The following TM6SF1 variants were observed in gnomAD, a reference collection of about 807,000 sequenced individuals.
TM6SF1 encodes the protein transmembrane 6 superfamily member 1.
Under a neutral mutation model 47.1 loss-of-function variants are expected in TM6SF1, and 43 were observed. That is an observed-to-expected ratio of 0.91 (90% CI 0.72 to 1.18). TM6SF1 has a LOEUF of 1.18. Ranked by LOEUF, TM6SF1 falls within the 50% of genes most tolerant of loss-of-function variation. The pLI is 0.00. For missense variants in TM6SF1, 390 were observed against 449.0 expected (o/e 0.87, Z 1.19); for synonymous variants, 177 against 166.3 (o/e 1.06, Z -0.49).
At chr15:83,129,164 C>T (rs534136195) in intron 9 of TM6SF1, 2 of 152,082 alleles carry the variant, frequency 1.3e-5, no homozygotes, top group African/African-American at 4.8e-5. Context: ...GATTCTCCAA[C>T]CCATTTTTTT....
chr15:83,107,696 G>A lies in TM6SF1; in HGVS notation c.16G>A (p.Ala6Thr), dbSNP rs377032732. 115 of 1,563,164 alleles carry A rather than the reference G, an allele frequency of 7.4e-5. No homozygotes were observed. Among genetic ancestry groups the A allele is most frequent in the Admixed American group, 2.4e-4 (13 of 53,540 alleles). MSASA[A>T]TGVFVLSLSA... ...GGCGGCTGCGATGAGTGCCTCTGCG[G>A]CCACCGGGGTCTTCGTGCTGTCCCT... is the stretch of plus-strand genomic sequence containing the variant. The change falls in exon 1 of 10, where the codon GCC becomes ACC. Residue 6 changes from alanine to threonine, a missense_variant. By Grantham distance (58) the Ala-to-Thr change is moderately conservative. Transcript: ENST00000322019. This position sits in a 1 kb window ranked among gnomAD's most constrained non-coding sequence, Gnocchi z 5.6.
chr15:83,135,787 A>G (rs1363476003), intron 9 of TM6SF1: 2 of 152,232 alleles, frequency 1.3e-5, no homozygotes, highest in African/African-American at 2.4e-5. Context: ...GGTTGCCTGC[A>G]TGTACATTTG....
chr15:83,109,191 G>A (rs2033927045), intron 1 of TM6SF1, among the ~76,000 whole-genome samples: 1 of 152,208 alleles, frequency 6.6e-6, no homozygotes, highest in African/African-American at 2.4e-5. Context: ...CTGGTGGCCA[G>A]GGAAGGCTTC....
At position 83,126,859 on chromosome 15, in the gene TM6SF1, A is replaced by T; in HGVS notation, c.801+12A>T. The T allele has an allele frequency of 6.3e-7, 1 of 1,591,070 alleles. No individual in the cohort carries two copies. The highest frequency in any genetic ancestry group is 1.1e-5 in the South Asian group (1 of 88,684). On this transcript the variant is annotated intron_variant, in intron 8 of 9. Transcript: ENST00000322019. ...ATCCTAAAATTCAGGTCAAGTAGTT[A>T]TGAAGCCTAAGATTTTTCTAAAATT... is the stretch of plus-strand genomic sequence containing the variant.
intron 2 of TM6SF1, chr15:83,115,546 T>G: frequency 2.0e-6 from 1 of 506,302 alleles, no homozygotes; most frequent in African/African-American, 1.9e-5. Context: ...GAGTGGAGGA[T>G]GGGTGGAGTT....
chr15:83,120,604 T>C (rs2035138177), intron 4 of TM6SF1, among the ~76,000 whole-genome samples: 1 of 151,326 alleles, frequency 6.6e-6, no homozygotes, highest in Admixed American at 6.6e-5. Context: ...TTTTTTTTTT[T>C]TTTTGAGACA....
Position 83,136,667 on chromosome 15 carries a change from G to T in TM6SF1, c.1108G>T (p.Glu370Ter). Residue 370 changes from glutamate (E) to a stop codon, truncating the protein, a stop_gained, in exon 10 of 10, where the codon GAA becomes TAA. Transcript: ENST00000322019. LOFTEE classifies it high-confidence loss of function. ...FIKTKAEEKV[E>*] ...AAAAACAAAGGCAGAAGAAAAAGTG[G>T]AATAAAAATATTACTTCATGTTCCT... The T allele has an allele frequency of 1.3e-6, 2 of 1,591,320 alleles. No individual in the cohort carries two copies. Among genetic ancestry groups the T allele is most frequent in the South Asian group, 2.3e-5 (2 of 86,378 alleles).
intron 3 of TM6SF1, 37 bp from the exon 4 acceptor site, chr15:83,119,541 T>G (rs1227018027): frequency 6.6e-7 from 1 of 1,513,260 alleles, no homozygotes; most frequent in East Asian, 2.2e-5. Flanking sequence ...TTTACAGGTC[T>G]TATTTAAAGT....
chr15:83,125,674 A>G (rs73455413), intron 7 of TM6SF1, among the ~76,000 whole-genome samples: 6,490 of 152,320 alleles, frequency 0.043, 387 homozygotes, highest in East Asian at 0.13. Flanking sequence ...AATTATATTC[A>G]GCTTCAGTGA....
intron 7 of TM6SF1, among the ~76,000 whole-genome samples, chr15:83,125,513 A>C (rs1596507451): frequency 6.6e-6 from 1 of 152,304 alleles, no homozygotes; most frequent in East Asian, 1.9e-4. Flanking sequence ...TTGGAGATTA[A>C]ATAATGTACA....
At chr15:83,124,367 G>A (rs1217489566) in intron 6 of TM6SF1, among the ~76,000 whole-genome samples, 2 of 152,070 alleles carry the variant, frequency 1.3e-5, no homozygotes, top group Non-Finnish European at 2.9e-5. Context: ...TAGTGGTGTG[G>A]CAGGTTTATG....
intron 5 of TM6SF1, among the ~76,000 whole-genome samples, chr15:83,122,342 A>T (rs1252793343): frequency 2.6e-5 from 4 of 152,320 alleles, no homozygotes; most frequent in African/African-American, 7.2e-5. Context: ...CCAAAAATGT[A>T]CTTGGAAATT....
At chr15:83,123,746 C>G (rs1329346323) in intron 6 of TM6SF1, among the ~76,000 whole-genome samples, 1 of 152,158 alleles carries the variant, frequency 6.6e-6, no homozygotes, top group Non-Finnish European at 1.5e-5. Context: ...GTCAGTCCAC[C>G]CTTAGTCCCA....
At chr15:83,127,647 A>C in intron 9 of TM6SF1, 170 bp downstream of exon 9, 1 of 656,506 alleles carries the variant, frequency 1.5e-6, no homozygotes, top group East Asian at 2.9e-5. Flanking sequence ...TTTTATTTCA[A>C]TCTCACAATA....
intron 1 of TM6SF1, 185 bp from the exon 2 acceptor site, chr15:83,112,612 G>A: frequency 1.6e-6 from 1 of 611,550 alleles, no homozygotes; most frequent in East Asian, 2.8e-5. Flanking sequence ...ATGGGCTGCA[G>A]CCCAGATGGG....
At chr15:83,120,154 G>A (rs927605947) in intron 4 of TM6SF1, 1 of 168,762 alleles carries the variant, frequency 5.9e-6, no homozygotes, top group African/African-American at 2.4e-5. Flanking sequence ...CAGTGGATGT[G>A]TATGTACAAG....
At position 83,115,887 on chromosome 15, in the gene TM6SF1, T is replaced by C. The variant is rs143388204; in HGVS notation, c.239T>C (p.Ile80Thr). The C allele has an allele frequency of 4.9e-5, 79 of 1,614,062 alleles. No individual in the cohort carries two copies. The African/African-American group carries it at 7.7e-4, about 16-fold the overall frequency. The change falls in exon 3 of 10, where the codon ATA (isoleucine) becomes ACA (threonine). Residue 80 changes from isoleucine (I) to threonine (T), a missense_variant. Physicochemically the swap from Ile to Thr is moderately conservative, Grantham distance 89. Transcript: ENST00000322019. ...FGFTSVVNLIIGLEQDGIIDG... is the reference protein window; with the variant it reads ...FGFTSVVNLITGLEQDGIIDG... ...TTTACCAGCGTGGTGAACCTCATCA[T>C]AGGACTGGAGCAAGATGGAATCATT...
intron 6 of TM6SF1, among the ~76,000 whole-genome samples, chr15:83,123,875 C>G (rs970448696): frequency 2.0e-5 from 3 of 152,360 alleles, no homozygotes; most frequent in Non-Finnish European, 2.9e-5. Flanking sequence ...CAGGGCCAAG[C>G]AGGCATTGTC....
rs1160265595 is a variant in TM6SF1, at chr15:83,136,686, T to C, written c.*14T>C. 1.9e-6 allele frequency: 3 copies of C among 1,580,358 alleles called. No individual in the cohort carries two copies. The highest frequency in any genetic ancestry group is 1.9e-5 in the Admixed American group (1 of 51,908). On this transcript the variant is annotated 3_prime_UTR_variant, in exon 10 of 10. Coordinates refer to ENST00000322019, the MANE Select transcript of TM6SF1 (RefSeq NM_023003.5). ...AAAGTGGAATAAAAATATTACTTCA[T>C]GTTCCTCCTTTCTAAATTACTAACT...
Sources: allele counts gnomAD v4.1 joint callset (sites outside exome capture counted in the v4.1 genomes callset), GRCh38; gene constraint gnomAD v4.1.1; non-coding constraint Gnocchi (gnomAD v3.1); transcripts MANE v1.5; gene names NCBI Gene and HGNC (gene_info 2026-07-23, HGNC 2026-07-21).